Variants in PGM5 observed in about 807,000 individuals in gnomAD.
PGM5 encodes the protein phosphoglucomutase-like protein 5.
Under a neutral mutation model 59.2 loss-of-function variants are expected in PGM5, and 23 were observed. The ratio of observed to expected loss-of-function variants is 0.39; its 90% CI spans 0.28 to 0.55. PGM5 has a LOEUF of 0.55. Among genes scored for constraint, PGM5 ranks in the 20% least tolerant of loss-of-function variants. The probability of loss-of-function intolerance (pLI) is 0.66; values close to 1 mark genes in which losing one functional copy is unlikely to be tolerated. For missense variants in PGM5, 574 were observed against 748.3 expected (o/e 0.77, Z 2.72); for synonymous variants, 214 against 286.0 (o/e 0.75, Z 2.54).
intron 9 of PGM5, among the ~76,000 whole-genome samples, chr9:68,490,370 C>T (rs1046746065): frequency 1.3e-5 from 2 of 152,154 alleles, no homozygotes; most frequent in African/African-American, 2.4e-5. Flanking sequence ...TTTTTTGAGA[C>T]GGAGTCTCGC....
At chr9:68,425,840 G>A (rs1823227875) in intron 6 of PGM5, among the ~76,000 whole-genome samples, 1 of 152,064 alleles carries the variant, frequency 6.6e-6, no homozygotes, top group Non-Finnish European at 1.5e-5. Flanking sequence ...AGCACTAAGA[G>A]ATGCCCAAAG....
rs368032786 is a variant in PGM5, at chr9:68,528,015, T to C, written c.1615-1552T>C. Among the ~76,000 whole-genome samples the C allele has an allele frequency of 5.0e-4, 76 of 152,338 alleles. 2 individuals carry two copies. The East Asian group carries it at 0.01, about 21-fold the overall frequency. On this transcript the variant is annotated intron_variant, in intron 10 of 10. Transcript: ENST00000396396. ...ATTGCTTGTGATGTCTTGTACCTTG[T>C]GCATTTCCTTGTGTTCCTGTTGTGT...
intron 6 of PGM5, among the ~76,000 whole-genome samples, chr9:68,401,629 A>C (rs62551331): frequency 0.15 from 22,686 of 151,010 alleles, 2,092 homozygotes; most frequent in Middle Eastern, 0.24. Flanking sequence ...AGTGCCACCC[A>C]GTCTCGAACA....
chr9:68,522,600 A>C (rs1824915787), intron 10 of PGM5, among the ~76,000 whole-genome samples: 1 of 152,232 alleles, frequency 6.6e-6, no homozygotes. Context: ...TGGTACCTCC[A>C]AACAATCTAA....
At chr9:68,414,541 C>T (rs567707454) in intron 6 of PGM5, among the ~76,000 whole-genome samples, 16 of 152,014 alleles carry the variant, frequency 1.1e-4, no homozygotes, top group Admixed American at 5.2e-4. Flanking sequence ...TTACGAACCT[C>T]CTCTGCCCTG....
chr9:68,471,494 T>G (rs1824017217), intron 7 of PGM5, among the ~76,000 whole-genome samples: 1 of 151,872 alleles, frequency 6.6e-6, no homozygotes, highest in African/African-American at 2.4e-5. Flanking sequence ...GTATGACCTG[T>G]CAAGAAACAA....
At chr9:68,458,218 G>A (rs1314990174) in intron 6 of PGM5, among the ~76,000 whole-genome samples, 1 of 152,034 alleles carries the variant, frequency 6.6e-6, no homozygotes, top group Non-Finnish European at 1.5e-5. Flanking sequence ...CTAAAGCCAA[G>A]TTTTTCTTCT....
intron 10 of PGM5, among the ~76,000 whole-genome samples, chr9:68,518,713 G>T (rs982827468): frequency 6.6e-6 from 1 of 152,188 alleles, no homozygotes; most frequent in Admixed American, 6.5e-5. Flanking sequence ...CTTATGATTT[G>T]CAGAACAAAG....
At chr9:68,468,033 C>T (rs1823962561) in intron 7 of PGM5, among the ~76,000 whole-genome samples, 1 of 150,000 alleles carries the variant, frequency 6.7e-6, no homozygotes, top group Admixed American at 6.7e-5. Context: ...TCCTTCCTTC[C>T]TTCCTTTCTT....
intron 9 of PGM5, among the ~76,000 whole-genome samples, chr9:68,492,237 G>A (rs1358412567): frequency 6.6e-6 from 1 of 152,206 alleles, no homozygotes; most frequent in Non-Finnish European, 1.5e-5. Flanking sequence ...GGTGGATATT[G>A]TGTGAACAGG....
intron 7 of PGM5, among the ~76,000 whole-genome samples, chr9:68,469,370 AT>A (rs561100228): frequency 6.6e-5 from 10 of 151,746 alleles, no homozygotes; most frequent in Non-Finnish European, 1.3e-4. Flanking sequence ...TAAAAAAAAA[AT>A]GAGCACTTAG....
intron 9 of PGM5, among the ~76,000 whole-genome samples, chr9:68,487,739 G>A (rs782593134): frequency 5.9e-5 from 9 of 152,126 alleles, no homozygotes; most frequent in Non-Finnish European, 1.0e-4. Context: ...AATTTGTGCT[G>A]TTCCCGTTTT....
Position 68,378,339 on chromosome 9 carries a change from G to A in PGM5, c.402G>A (p.Val134=). ...GAGGACCAGGGGGAGAGTTTGGAGTGAAGTTTAATGTTGCCAATGGAGGTA... is the reference window on the plus strand; with the variant it reads ...GAGGACCAGGGGGAGAGTTTGGAGTAAAGTTTAATGTTGCCAATGGAGGTA... ...CPGGPGGEFG[V]KFNVANGGPA... is the part of the protein sequence containing the mutation. The change falls in exon 2 of 11, where the codon GTG becomes GTA. Residue 134 remains valine, a synonymous_variant. Coordinates refer to ENST00000396396, the MANE Select transcript of PGM5 (RefSeq NM_021965.4). 6.3e-7 allele frequency: 1 copy of A among 1,587,262 alleles called. No homozygotes were observed. The highest frequency in any genetic ancestry group is 8.5e-7 in the Non-Finnish European group (1 of 1,170,988).
chr9:68,454,642 TAGGTAA>T (rs1823745432), intron 6 of PGM5, among the ~76,000 whole-genome samples: 3 of 152,112 alleles, frequency 2.0e-5, no homozygotes, highest in Admixed American at 1.3e-4. Context: ...TTCCATTTTG[TAGGTAA>T]AAGATCCAGG....
chr9:68,526,194 G>C (rs1824971039), intron 10 of PGM5, among the ~76,000 whole-genome samples: 1 of 152,220 alleles, frequency 6.6e-6, no homozygotes, highest in South Asian at 2.1e-4. Flanking sequence ...ATCTAAAGAA[G>C]TTCTGTGGTT....
intron 6 of PGM5, among the ~76,000 whole-genome samples, chr9:68,433,967 C>G (rs1480974339): frequency 6.6e-6 from 1 of 152,150 alleles, no homozygotes; most frequent in African/African-American, 2.4e-5. Flanking sequence ...TATAAAACAT[C>G]CTATTCACCA....
intron 7 of PGM5, among the ~76,000 whole-genome samples, chr9:68,469,889 C>A (rs1217599334): frequency 1.3e-5 from 2 of 152,124 alleles, no homozygotes; most frequent in Non-Finnish European, 2.9e-5. Context: ...TAGTAGTTAT[C>A]TTTTTGTCAT....
intron 6 of PGM5, among the ~76,000 whole-genome samples, chr9:68,417,126 C>A (rs74730319): frequency 3.3e-5 from 5 of 152,172 alleles, no homozygotes; most frequent in Non-Finnish European, 7.4e-5. Context: ...CTCTCTGAAT[C>A]GGATACGGGC....
At chr9:68,511,539 T>C (rs1440998930) in intron 10 of PGM5, among the ~76,000 whole-genome samples, 7 of 124,188 alleles carry the variant, frequency 5.6e-5, no homozygotes, top group African/African-American at 1.9e-4. Flanking sequence ...ATGTTATTGT[T>C]TTTGCCTTTT....
Sources: allele counts gnomAD v4.1 joint callset (sites outside exome capture counted in the v4.1 genomes callset), GRCh38; gene constraint gnomAD v4.1.1; transcripts MANE v1.5; gene names NCBI Gene and HGNC (gene_info 2026-07-23, HGNC 2026-07-21).